The following REV1 variants were observed in gnomAD, a reference collection of about 807,000 sequenced individuals.
The protein encoded by REV1 is translesion synthesis protein REV1.
A neutral mutation model predicts 137.4 loss-of-function variants in REV1; 42 were observed. The observed-to-expected ratio is 0.31, with a 90% CI of 0.24 to 0.40. The LOEUF (loss-of-function observed/expected upper bound fraction) is 0.40, where lower values mean the gene tolerates loss of function less well. REV1 is among the 10% of genes least tolerant of loss of function. REV1 has a pLI of 1.00. For missense variants in REV1, 1,282 were observed against 1,490.1 expected, an observed-to-expected ratio of 0.86 and a Z score of 2.30; for synonymous variants, 524 against 519.2, an observed-to-expected ratio of 1.01 and a Z score of -0.12.
chr2:99,412,518 A>G (rs559808080), intron 13 of REV1, among the ~76,000 whole-genome samples: 5 of 152,258 alleles, frequency 3.3e-5, no homozygotes, highest in Non-Finnish European at 7.3e-5. Flanking sequence ...CTTTTAGTAT[A>G]TTTCCCCAAG....
chr2:99,488,970 TAA>T (rs1201186778), intron 1 of REV1, among the ~76,000 whole-genome samples: 1 of 152,212 alleles, frequency 6.6e-6, no homozygotes, highest in African/African-American at 2.4e-5. Flanking sequence ...GACGTGGAGA[TAA>T]AGAGAATTAG....
intron 3 of REV1, among the ~76,000 whole-genome samples, chr2:99,455,491 G>A (rs1027549093): frequency 2.0e-5 from 3 of 152,112 alleles, no homozygotes; most frequent in African/African-American, 7.2e-5. Flanking sequence ...AGTTTCAAAT[G>A]CTTAGGGAAC....
At chr2:99,410,319 T>C (rs148452261) in intron 14 of REV1, among the ~76,000 whole-genome samples, 1 of 152,278 alleles carries the variant, frequency 6.6e-6, no homozygotes, top group East Asian at 1.9e-4. Flanking sequence ...CCTGTATCAT[T>C]GTTTTTAAGA....
intron 9 of REV1, among the ~76,000 whole-genome samples, chr2:99,425,820 T>C (rs926426227): frequency 1.3e-5 from 2 of 152,072 alleles, no homozygotes; most frequent in Middle Eastern, 3.2e-3. Context: ...GCAGATCACC[T>C]GAGAGGGGGA....
At chr2:99,460,117 G>T (rs62155807) in intron 3 of REV1, among the ~76,000 whole-genome samples, 1 of 151,742 alleles carries the variant, frequency 6.6e-6, no homozygotes, top group Non-Finnish European at 1.5e-5. Context: ...TCACTCTATC[G>T]CCAGGCTGGA....
intron 1 of REV1, among the ~76,000 whole-genome samples, chr2:99,486,430 G>C (rs1231469719): frequency 6.6e-6 from 1 of 152,080 alleles, no homozygotes; most frequent in Non-Finnish European, 1.5e-5. Context: ...TCGGGAGGCT[G>C]AGGCAGGAGA....
intron 3 of REV1, among the ~76,000 whole-genome samples, chr2:99,453,142 C>T (rs1278229175): frequency 1.3e-5 from 2 of 152,112 alleles, no homozygotes; most frequent in African/African-American, 2.4e-5. Context: ...GGAGGGATCA[C>T]GAGATCAAGA....
intron 3 of REV1, among the ~76,000 whole-genome samples, chr2:99,452,547 A>G (rs977382095): frequency 1.3e-5 from 2 of 152,144 alleles, no homozygotes; most frequent in African/African-American, 4.8e-5. Flanking sequence ...GTACTGTAAC[A>G]GTTAACTTTC....
At chr2:99,469,087 C>T (rs572751344) in intron 1 of REV1, among the ~76,000 whole-genome samples, 1 of 152,122 alleles carries the variant, frequency 6.6e-6, no homozygotes, top group Non-Finnish European at 1.5e-5. Context: ...ACTGCAGAAT[C>T]TTTGTGGGGC....
intron 10 of REV1, 63 bp downstream of exon 10, chr2:99,424,089 G>C: frequency 6.5e-7 from 1 of 1,544,578 alleles, no homozygotes; most frequent in Non-Finnish European, 8.8e-7. Flanking sequence ...AACTTGAACT[G>C]TCTTTACTAT....
At chr2:99,435,783 A>T in intron 7 of REV1, 51 bp downstream of exon 7, 1 of 910,498 alleles carries the variant, frequency 1.1e-6, no homozygotes, top group Non-Finnish European at 1.7e-6. Flanking sequence ...CTTTGAATAT[A>T]TATTTATAAC....
chr2:99,419,205 A>AAT (rs1553545231), intron 11 of REV1, among the ~76,000 whole-genome samples: 1 of 116,016 alleles, frequency 8.6e-6, no homozygotes, highest in Non-Finnish European at 1.7e-5. Context: ...AGCAGTCCTG[A>AAT]TTTTTTTTTT....
At chr2:99,448,469 T>C (rs1294858403) in intron 4 of REV1, among the ~76,000 whole-genome samples, 1 of 152,176 alleles carries the variant, frequency 6.6e-6, no homozygotes, top group African/African-American at 2.4e-5. Flanking sequence ...TTACAACTTA[T>C]CATTTCCAAA....
chr2:99,415,385 T>C (rs770461977), intron 12 of REV1, among the ~76,000 whole-genome samples: 2 of 152,172 alleles, frequency 1.3e-5, no homozygotes, highest in Non-Finnish European at 2.9e-5. Flanking sequence ...GCATCTGTCC[T>C]TGAAGGGGAA....
intron 12 of REV1, among the ~76,000 whole-genome samples, chr2:99,414,184 T>A (rs1408630076): frequency 1.3e-5 from 2 of 152,160 alleles, no homozygotes; most frequent in Admixed American, 1.3e-4. Context: ...TGAAGTCTGC[T>A]AACTTCTGTT....
chr2:99,408,042 G>T lies in REV1; in HGVS notation c.2435C>A (p.Ser812Ter). The T allele has an allele frequency of 6.3e-7, 1 of 1,582,210 alleles. No individual in the cohort carries two copies. Residue 812 changes from serine (S) to a stop codon, truncating the protein, a stop_gained, in exon 15 of 23, where the codon TCA becomes TAA. Transcript: ENST00000258428. LOFTEE classifies it high-confidence loss of function. ...NMFHTMKLNI[S>*]DMRGVGIHVN... ...CTATATACTTACCCCTCTCATATCT[G>T]ATATATTTAGTTTCATTGTATGAAA... is the stretch of plus-strand genomic sequence containing the variant.
intron 1 of REV1, among the ~76,000 whole-genome samples, chr2:99,474,793 T>C (rs1280587016): frequency 1.3e-5 from 2 of 152,052 alleles, no homozygotes; most frequent in South Asian, 4.2e-4. Context: ...TCCCAGCTAC[T>C]TGGGGGACTG....
intron 1 of REV1, among the ~76,000 whole-genome samples, chr2:99,489,352 A>C (rs1031169151): frequency 6.6e-6 from 1 of 152,072 alleles, no homozygotes; most frequent in African/African-American, 2.4e-5. Flanking sequence ...CATTCTACAA[A>C]CGCTTGTGGA....
At chr2:99,470,294 A>G (rs1685271746) in intron 1 of REV1, among the ~76,000 whole-genome samples, 1 of 152,224 alleles carries the variant, frequency 6.6e-6, no homozygotes, top group South Asian at 2.1e-4. Flanking sequence ...TTGATTAACT[A>G]ATGAAATTCA....
Sources: gnomAD v4.1 joint callset for allele counts (sites outside exome capture counted in the v4.1 genomes callset) on GRCh38, gnomAD v4.1.1 for gene constraint, MANE v1.5 for transcripts, NCBI Gene and HGNC (gene_info 2026-07-23, HGNC 2026-07-21) for gene names.